ITGA5: variants seen among roughly 807,000 people sequenced by gnomAD.
ITGA5 encodes the protein integrin alpha-5.
In ITGA5, 55 loss-of-function variants were observed where a neutral mutation model predicts 146.3. The observed-to-expected ratio is 0.38, with a 90% CI of 0.30 to 0.47. ITGA5 has a LOEUF of 0.47. ITGA5 is among the 20% of genes least tolerant of loss of function. The pLI is 0.99. For missense variants in ITGA5, 1,131 were observed against 1,329.0 expected, an observed-to-expected ratio of 0.85 and a Z score of 2.32; for synonymous variants, 500 against 531.8, an observed-to-expected ratio of 0.94 and a Z score of 0.82.
At chr12:54,418,629 A>G (rs1404676116) in intron 1 of ITGA5, among the ~76,000 whole-genome samples, 1 of 37,510 alleles carries the variant, frequency 2.7e-5, no homozygotes, top group Non-Finnish European at 5.3e-5. Context: ...CACCCGCCCC[A>G]GGTCCCAGCA....
At position 54,419,131 on chromosome 12, in the gene ITGA5, G is replaced by T. The variant is rs1723928457; in HGVS notation, c.68C>A (p.Pro23His). The change falls in exon 1 of 30, where the codon CCC becomes CAC. Residue 23 changes from proline (P) to histidine (H), a missense_variant. Around this residue, in one of 3 missense-constraint regions of ITGA5, gnomAD observed 175 missense variants for 179.3 expected, o/e 0.98. Transcript: ENST00000293379. Reference protein sequence around the residue: ...VQLRWGPRRRPPLLPLLLLLL... With the variant: ...VQLRWGPRRRHPLLPLLLLLL... ...CAGCAACAGCAGCGGCAGCAGCGGG[G>T]GTCGGCGCCGGGGGCCCCAGCGCAG... 6 of 1,588,714 alleles carry T rather than the reference G, an allele frequency of 3.8e-6. No homozygotes were observed. The East Asian group carries it at 1.3e-4, about 36-fold the overall frequency.
rs573061121 is a variant in ITGA5, at chr12:54,416,735, C to A, written c.218+2246G>T. On this transcript the variant is annotated intron_variant, in intron 1 of 29. Coordinates refer to ENST00000293379, the MANE Select transcript of ITGA5 (RefSeq NM_002205.5). This position sits in a 1 kb window ranked among gnomAD's most constrained non-coding sequence, Gnocchi z 4.1. Reference sequence around the variant, plus strand: ...AGACCAGGCTCCAAGAGCTTAAATACCTCTCCCTAGGTACTAGGGTACCAC... The same window carrying A: ...AGACCAGGCTCCAAGAGCTTAAATAACTCTCCCTAGGTACTAGGGTACCAC... Among the ~76,000 whole-genome samples, 202 of 152,332 alleles carry A rather than the reference C, an allele frequency of 1.3e-3. 1 individual carries two copies. Among genetic ancestry groups the A allele is most frequent in the Non-Finnish European group, 1.0e-3 (70 of 68,030 alleles).
intron 2 of ITGA5, 103 bp downstream of exon 2, chr12:54,411,731 C>G: frequency 9.7e-7 from 1 of 1,025,928 alleles, no homozygotes; most frequent in Non-Finnish European, 1.3e-6. Context: ...GTCACGTGGC[C>G]GGGGTTCCAG....
Position 54,402,993 on chromosome 12 carries a change from C to T in ITGA5, c.1972G>A (p.Glu658Lys). The T allele has an allele frequency of 6.8e-6, 11 of 1,614,118 alleles. No homozygotes were observed. Among genetic ancestry groups the T allele is most frequent in the Non-Finnish European group, 9.3e-6 (11 of 1,179,996 alleles). The change falls in exon 19 of 30, where the codon GAA becomes AAA. Residue 658 changes from glutamate to lysine, a missense_variant. By Grantham distance (56) the Glu-to-Lys change is moderately conservative. Coordinates refer to ENST00000293379, the MANE Select transcript of ITGA5 (RefSeq NM_002205.5). The stretch of plus-strand genomic sequence containing the variant: ...GTCAGCCCTACTTACCCAAACACTT[C>T]CAGCTGCAGGTCAGGCACACAGATG... ...DNICVPDLQLEVFGEQNHVYL... is the reference protein window; with the variant it reads ...DNICVPDLQLKVFGEQNHVYL...
chr12:54,407,495 G>C lies in ITGA5; in HGVS notation c.906+154C>G, dbSNP rs183301213. ...GCAGAGTATGAATAAAGAGCAGAAT[G>C]ATTCTGCCAGAGTAAGTGCCAGAAC... On this transcript the variant is annotated intron_variant, in intron 9 of 29. Coordinates refer to ENST00000293379, the MANE Select transcript of ITGA5 (RefSeq NM_002205.5). 6.5e-5 allele frequency: 45 copies of C among 691,364 alleles called. No individual in the cohort carries two copies. In the Admixed American group the frequency reaches 6.8e-4, roughly 10 times the overall value. The allele number at this position is 691,364 out of a possible 1,614,324, so 42.8% of individuals were successfully genotyped here. A position where few individuals can be genotyped will look rare whatever the true frequency, so the allele number is the denominator to read the frequency against.
chr12:54,407,951 T>C, intron 7 of ITGA5, 75 bp from the exon 8 acceptor site: 1 of 1,520,064 alleles, frequency 6.6e-7, no homozygotes, highest in Non-Finnish European at 8.9e-7. Context: ...CACCAATCCC[T>C]TCCCCACCCC....
Position 54,409,815 on chromosome 12 carries a change from C to T in ITGA5, c.350-218G>A. ...TCCACTACACACATACACATACACA[C>T]ACACACATACATACACACGCACGCA... On this transcript the variant is annotated intron_variant, in intron 2 of 29. Transcript: ENST00000293379. The surrounding 1 kb of genome is among the most constrained non-coding windows in gnomAD (Gnocchi z 4.7). 1 of 530,898 alleles carries T rather than the reference C, an allele frequency of 1.9e-6. No individual in the cohort carries two copies. Among genetic ancestry groups the T allele is most frequent in the South Asian group, 2.2e-5 (1 of 45,490 alleles). The allele number at this position is 530,898 out of a possible 1,614,324, so 32.9% of individuals were successfully genotyped here.
intron 2 of ITGA5, 60 bp downstream of exon 2, chr12:54,411,774 G>T: frequency 8.2e-7 from 1 of 1,214,198 alleles, no homozygotes; most frequent in Non-Finnish European, 1.1e-6. Context: ...GCCCCACCCA[G>T]GCCTTGCCCC....
rs201063639 is a variant in ITGA5 at position 54,403,081 on chromosome 12, G to A, written c.1915-31C>T. On this transcript the variant is annotated intron_variant, in intron 18 of 29. Coordinates refer to ENST00000293379, the MANE Select transcript of ITGA5 (RefSeq NM_002205.5). The surrounding 1 kb of genome is among the most constrained non-coding windows in gnomAD (Gnocchi z 4.9). ...GAGCAGGGCAGCCTTGAGAGGGGAAGTTTAGACCCATTCCTGGGCTGTAGG... is the reference window on the plus strand; with the variant it reads ...GAGCAGGGCAGCCTTGAGAGGGGAAATTTAGACCCATTCCTGGGCTGTAGG... 2 of 1,613,500 alleles carry A rather than the reference G, an allele frequency of 1.2e-6. No homozygotes were observed. The highest frequency in any genetic ancestry group is 2.2e-5 in the East Asian group (1 of 44,870).
At chr12:54,406,631 A>T (rs763466927) in intron 9 of ITGA5, among the ~76,000 whole-genome samples, 3 of 152,018 alleles carry the variant, frequency 2.0e-5, no homozygotes, top group Non-Finnish European at 4.4e-5. Flanking sequence ...TTTTTGCTCA[A>T]CCTTTCCATA....
intron 2 of ITGA5, 103 bp downstream of exon 2, chr12:54,411,731 C>A: frequency 1.9e-6 from 2 of 1,025,928 alleles, no homozygotes; most frequent in Non-Finnish European, 1.3e-6. Context: ...GTCACGTGGC[C>A]GGGGTTCCAG....
intron 1 of ITGA5, 96 bp from the exon 2 acceptor site, chr12:54,412,060 C>G (rs1380734621): frequency 5.8e-5 from 60 of 1,031,038 alleles, no homozygotes; most frequent in Non-Finnish European, 7.9e-5. Flanking sequence ...CTGGGGCTGG[C>G]TGGGGGTGGA....
In ITGA5 at chr12:54,403,807, C is replaced by A; in HGVS notation, c.1622-28G>T. The A allele has an allele frequency of 6.2e-7, 1 of 1,612,048 alleles. No homozygotes were observed. Among genetic ancestry groups the A allele is most frequent in the Non-Finnish European group, 8.5e-7 (1 of 1,178,256 alleles). On this transcript the variant is annotated intron_variant, in intron 16 of 29. Transcript: ENST00000293379. This position sits in a 1 kb window ranked among gnomAD's most constrained non-coding sequence, Gnocchi z 4.9. ...GAAGCCAGGGACATATAAAGGGAAA[C>A]TGCCTGTCTTTCCTCATCTTTTCAG...
intron 1 of ITGA5, chr12:54,413,156 T>C (rs1955968172): frequency 6.6e-6 from 1 of 152,374 alleles, no homozygotes; most frequent in African/African-American, 2.4e-5. Context: ...TTCCTCAGCT[T>C]TCTCACTAGG....
chr12:54,403,248 A>T lies in ITGA5; in HGVS notation c.1853T>A (p.Val618Glu). ...LNFSLDPQAP[V>E]DSHGLRPALH... ...GGCTGGCCTGAGGCCGTGGCTGTCC[A>T]CTGGGGCTTGGGGGTCCAAGGAGAA... The change falls in exon 18 of 30, where the codon GTG becomes GAG. Residue 618 changes from valine to glutamate, a missense_variant. Transcript: ENST00000293379. This position sits in a 1 kb window ranked among gnomAD's most constrained non-coding sequence, Gnocchi z 4.9. 1 of 1,568,212 alleles carries T rather than the reference A, an allele frequency of 6.4e-7. No individual in the cohort carries two copies. The highest frequency in any genetic ancestry group is 8.6e-7 in the Non-Finnish European group (1 of 1,160,122).
At chr12:54,400,490 G>C (rs1955772783) in intron 25 of ITGA5, 1 of 235,260 alleles carries the variant, frequency 4.3e-6, no homozygotes, top group Non-Finnish European at 8.3e-6. Context: ...GCCTAACAGT[G>C]TTCAGTACAG....
chr12:54,409,441 C>T lies in ITGA5; in HGVS notation c.462+44G>A. The T allele has an allele frequency of 6.2e-7, 1 of 1,609,464 alleles. No individual in the cohort carries two copies. The highest frequency in any genetic ancestry group is 8.5e-7 in the Non-Finnish European group (1 of 1,176,470). The stretch of plus-strand genomic sequence containing the variant: ...CAGGCCCGGCCTTACCCAACCACTG[C>T]CCATCCCCTGGCCACCACACCACTG... On this transcript the variant is annotated intron_variant, in intron 3 of 29. Coordinates refer to ENST00000293379, the MANE Select transcript of ITGA5 (RefSeq NM_002205.5). This position sits in a 1 kb window ranked among gnomAD's most constrained non-coding sequence, Gnocchi z 4.7.
rs1442401460 is a variant in ITGA5, at chr12:54,419,148, C to T, written c.51G>A (p.Trp17Ter). The T allele has an allele frequency of 6.3e-7, 1 of 1,587,296 alleles. No homozygotes were observed. The highest frequency in any genetic ancestry group is 8.6e-7 in the Non-Finnish European group (1 of 1,169,368). The change falls in exon 1 of 30, where the codon TGG becomes TGA. Residue 17 changes from tryptophan to a stop codon, truncating the protein, a stop_gained. Coordinates refer to ENST00000293379, the MANE Select transcript of ITGA5 (RefSeq NM_002205.5). LOFTEE classifies it high-confidence loss of function. ...GCAGCGGGGGTCGGCGCCGGGGGCC[C>T]CAGCGCAGCTGCACGGCGTGGAGAG... Reference protein sequence around the residue: ...ESPLHAVQLRWGPRRRPPLLP... With the variant: ...ESPLHAVQLR
Position 54,401,840 on chromosome 12 carries a change from G to A in ITGA5, c.2242C>T (p.Arg748Trp), listed in dbSNP as rs773265895. Residue 748 changes from arginine to tryptophan, a missense_variant, in exon 22 of 30, where the codon CGG becomes TGG. Around this residue, in one of 3 missense-constraint regions of ITGA5, gnomAD observed 889 missense variants for 1,021.5 expected, o/e 0.87. Transcript: ENST00000293379. The surrounding 1 kb of genome is among the most constrained non-coding windows in gnomAD (Gnocchi z 5.0). The stretch of plus-strand genomic sequence containing the variant: ...TCCCGGAGATGAGGGACTGTAAACC[G>A]AAGGCCACCCCACAGCTGGGGACAG... ...KAGASLWGGLRFTVPHLRDTK... is the reference protein window; with the variant it reads ...KAGASLWGGLWFTVPHLRDTK... 5 of 1,613,980 alleles carry A rather than the reference G, an allele frequency of 3.1e-6. No individual in the cohort carries two copies. The African/African-American group carries it at 4.0e-5, about 13-fold the overall frequency.
Sources: allele counts gnomAD v4.1 joint callset (sites outside exome capture counted in the v4.1 genomes callset), GRCh38; gene constraint gnomAD v4.1.1; regional missense constraint gnomAD v4.1.1; non-coding constraint Gnocchi (gnomAD v3.1); transcripts MANE v1.5; gene names NCBI Gene and HGNC (gene_info 2026-07-23, HGNC 2026-07-21).